Variants in SPATA1 observed in about 807,000 individuals in gnomAD.
SPATA1 encodes spermatogenesis-associated protein 1.
In SPATA1, 57 loss-of-function variants were observed where a neutral mutation model predicts 59.6. The ratio of observed to expected loss-of-function variants is 0.96; its 90% CI spans 0.77 to 1.19. The LOEUF (loss-of-function observed/expected upper bound fraction) is 1.19. Ranked by LOEUF, SPATA1 falls within the 50% of genes most tolerant of loss-of-function variation. SPATA1 has a pLI of 0.00. For synonymous variants in SPATA1, 147 were observed against 163.9 expected (o/e 0.90, Z 0.79); for missense variants, 448 against 480.7 (o/e 0.93, Z 0.64).
chr1:84,564,478 T>C (rs150854837), intron 4 of SPATA1, among the ~76,000 whole-genome samples: 4 of 152,310 alleles, frequency 2.6e-5, no homozygotes, highest in Non-Finnish European at 4.4e-5. Flanking sequence ...TTATGTACTA[T>C]TAAATAACCA....
At chr1:84,552,970 C>A in intron 12 of SPATA1, 1 of 1,087,872 alleles carries the variant, frequency 9.2e-7, no homozygotes, top group Non-Finnish European at 1.3e-6. Context: ...GTTTACATGA[C>A]AACTATGATG....
intron 4 of SPATA1, 54 bp downstream of exon 4, chr1:84,522,561 T>TA (rs1683072846): frequency 1.1e-6 from 1 of 890,968 alleles, no homozygotes; most frequent in Non-Finnish European, 1.7e-6. Flanking sequence ...CTTCTCAAAT[T>TA]ACATTTCTTA....
intron 6 of SPATA1, among the ~76,000 whole-genome samples, chr1:84,529,009 A>AT (rs1291446791): frequency 1.3e-5 from 2 of 151,324 alleles, no homozygotes; most frequent in Non-Finnish European, 2.9e-5. Flanking sequence ...CTATATATAT[A>AT]TTTTTTCATA....
At chr1:84,510,059 A>G (rs1244182430) in intron 1 of SPATA1, among the ~76,000 whole-genome samples, 2 of 152,060 alleles carry the variant, frequency 1.3e-5, no homozygotes, top group African/African-American at 4.8e-5. Context: ...ACATGGTGGC[A>G]TGTACCTGTG....
chr1:84,526,205 C>A, intron 6 of SPATA1, 132 bp downstream of exon 6: 1 of 677,390 alleles, frequency 1.5e-6, no homozygotes, highest in Non-Finnish European at 2.3e-6. Context: ...TACAATTCCA[C>A]TTGGGGATTT....
chr1:84,518,399 T>C (rs1490392613), intron 2 of SPATA1, among the ~76,000 whole-genome samples: 2 of 152,128 alleles, frequency 1.3e-5, no homozygotes, highest in African/African-American at 4.8e-5. Context: ...TTTTAGAATA[T>C]GGATGCCAAA....
intron 4 of SPATA1, among the ~76,000 whole-genome samples, chr1:84,559,773 C>T (rs4906999): frequency 0.013 from 1,964 of 152,204 alleles, 30 homozygotes; most frequent in Non-Finnish European, 0.022. Flanking sequence ...CAAAATGTTT[C>T]CTGAATTCTA....
chr1:84,561,073 A>G (rs1203166834), intron 4 of SPATA1, among the ~76,000 whole-genome samples: 1 of 152,268 alleles, frequency 6.6e-6, no homozygotes, highest in Non-Finnish European at 1.5e-5. Flanking sequence ...GTAAGGCTGT[A>G]GCAGCCAAAG....
intron 6 of SPATA1, among the ~76,000 whole-genome samples, chr1:84,532,182 T>C (rs1683498103): frequency 6.6e-6 from 1 of 152,228 alleles, no homozygotes; most frequent in Non-Finnish European, 1.5e-5. Context: ...TTTCAAAAAC[T>C]GCTTTGGCAA....
At chr1:84,542,956 T>G (rs903593906) in intron 8 of SPATA1, among the ~76,000 whole-genome samples, 1 of 152,166 alleles carries the variant, frequency 6.6e-6, no homozygotes, top group South Asian at 2.1e-4. Flanking sequence ...CTGTGTTTTT[T>G]CCTGTACATA....
intron 2 of SPATA1, among the ~76,000 whole-genome samples, chr1:84,518,248 T>G (rs917088035): frequency 6.6e-6 from 1 of 152,154 alleles, no homozygotes; most frequent in Non-Finnish European, 1.5e-5. Flanking sequence ...TGTGTGATCC[T>G]TGTTTGAATT....
intron 6 of SPATA1, among the ~76,000 whole-genome samples, chr1:84,531,683 C>G (rs953313715): frequency 1.3e-4 from 20 of 151,176 alleles, no homozygotes; most frequent in Non-Finnish European, 2.8e-4. Context: ...AAGACATCCT[C>G]CCACCCTAGT....
At chr1:84,511,929 G>A (rs541873705) in intron 1 of SPATA1, among the ~76,000 whole-genome samples, 37 of 152,140 alleles carry the variant, frequency 2.4e-4, no homozygotes, top group East Asian at 1.2e-3. Context: ...GGATCCACCC[G>A]CCTCGGCCTC....
intron 6 of SPATA1, among the ~76,000 whole-genome samples, chr1:84,528,811 T>C (rs1467104351): frequency 6.6e-6 from 1 of 152,204 alleles, no homozygotes; most frequent in East Asian, 1.9e-4. Flanking sequence ...AGCAGCAATG[T>C]CTAGAAGTTC....
chr1:84,558,481 C>T (rs1305483892), downstream of SPATA1, among the ~76,000 whole-genome samples: 1 of 151,002 alleles, frequency 6.6e-6, no homozygotes, highest in African/African-American at 2.4e-5. Flanking sequence ...TTAGTAGAGA[C>T]GGGGTTTCAC....
chr1:84,530,360 T>G lies in SPATA1; in HGVS notation c.545-2500T>G, dbSNP rs149879285. On this transcript the variant is annotated intron_variant, in intron 6 of 12. Coordinates refer to ENST00000490879, the Ensembl canonical transcript of SPATA1. Reference sequence around the variant, plus strand: ...GTTCAGTAATTTTTATCTATTATTATTAGTAGTAATACTACTATTTAATAG... The same window carrying G: ...GTTCAGTAATTTTTATCTATTATTAGTAGTAGTAATACTACTATTTAATAG... Among the ~76,000 whole-genome samples, 360 of 152,272 alleles carry G rather than the reference T, an allele frequency of 2.4e-3. 4 individuals carry two copies. Among genetic ancestry groups the G allele is most frequent in the African/African-American group, 8.0e-3 (334 of 41,540 alleles).
chr1:84,565,982 T>C, exon 5 of SPATA1: 1 of 1,573,688 alleles, frequency 6.4e-7, no homozygotes, highest in Non-Finnish European at 8.6e-7. Context: ...CTGTCTATGT[T>C]CTTTGGAGAC....
At chr1:84,546,457 CAA>C (rs10618711) in intron 10 of SPATA1, among the ~76,000 whole-genome samples, 34,852 of 80,756 alleles carry the variant, frequency 0.43, 3,923 homozygotes, top group African/African-American at 0.49. Context: ...GACTCTGCCT[CAA>C]AAAAAAAAAA....
chr1:84,562,761 T>C (rs950940013), intron 4 of SPATA1, among the ~76,000 whole-genome samples: 6 of 152,234 alleles, frequency 3.9e-5, no homozygotes, highest in African/African-American at 1.4e-4. Flanking sequence ...GTTTTGACAT[T>C]GCTTTATAAT....
Sources: gnomAD v4.1 joint callset for allele counts (sites outside exome capture counted in the v4.1 genomes callset) on GRCh38, gnomAD v4.1.1 for gene constraint, MANE v1.5 for transcripts, NCBI Gene and HGNC (gene_info 2026-07-23, HGNC 2026-07-21) for gene names.